The following ADAMTSL2 variants were observed in gnomAD, a reference collection of about 807,000 sequenced individuals.
ADAMTSL2 encodes the protein ADAMTS like 2, also known as ADAMTS-like protein 2.
In ADAMTSL2, 55 loss-of-function variants were observed where a neutral mutation model predicts 117.0. The observed-to-expected ratio is 0.47, with a 90% CI of 0.38 to 0.59. The LOEUF (loss-of-function observed/expected upper bound fraction) is 0.59, where lower values mean the gene tolerates loss of function less well. Among genes scored for constraint, ADAMTSL2 ranks in the 20% least tolerant of loss-of-function variants. The pLI is 0.00. For missense variants in ADAMTSL2, 1,182 were observed against 1,354.5 expected (o/e 0.87, Z 2.00); for synonymous variants, 572 against 566.4 (o/e 1.01, Z -0.14).
chr9:133,555,493 C>G, intron 10 of ADAMTSL2, 65 bp from the exon 11 acceptor site: 1 of 1,607,414 alleles, frequency 6.2e-7, no homozygotes, highest in Non-Finnish European at 8.5e-7. Context: ...GGTCCCCTCC[C>G]CAGGGCAGCC....
At chr9:133,556,203 G>A (rs941377246) in intron 11 of ADAMTSL2, among the ~76,000 whole-genome samples, 5 of 152,362 alleles carry the variant, frequency 3.3e-5, no homozygotes, top group Middle Eastern at 3.4e-3. Flanking sequence ...TGCAGCTGAT[G>A]GGGGGAAGGG....
chr9:133,568,763 G>A lies in ADAMTSL2; in HGVS notation c.2244+5G>A. 6.2e-7 allele frequency: 1 copy of A among 1,612,954 alleles called. No individual in the cohort carries two copies. The highest frequency in any genetic ancestry group is 8.5e-7 in the Non-Finnish European group (1 of 1,179,970). ...ACCGTCTCCGACTGGGGACCGGTGA[G>A]GCCTGCACTGAGGGGTGGCTGGGCG... On this transcript the variant is annotated splice_donor_5th_base_variant and intron_variant, in intron 15 of 18. Transcript: ENST00000651351.
At chr9:133,564,677 A>G (rs1388950682) in intron 12 of ADAMTSL2, among the ~76,000 whole-genome samples, 4 of 130,282 alleles carry the variant, frequency 3.1e-5, no homozygotes, top group Non-Finnish European at 4.9e-5. Context: ...AGGGAGAGGG[A>G]GAGAGAGAGG....
In ADAMTSL2 at chr9:133,573,909, G is replaced by A. The variant is rs969369703; in HGVS notation, c.2659G>A (p.Val887Ile). ...CAAGTGCTACCAGGGGACCGACATC[G>A]TCCGTGGTTGCGATCCGTTGGTGAA... ...DVKCYQGTDI[V>I]RGCDPLVKPV... Residue 887 changes from valine (V) to isoleucine (I), a missense_variant, in exon 18 of 19, where the codon GTC becomes ATC. Physicochemically the swap from Val to Ile is conservative, Grantham distance 29. This residue lies in a region of ADAMTSL2 where 465 missense variants were observed against 565.3 expected (regional missense o/e 0.82). Transcript: ENST00000651351. 5.1e-5 allele frequency: 82 copies of A among 1,614,132 alleles called. No individual in the cohort carries two copies. Among genetic ancestry groups the A allele is most frequent in the Middle Eastern group, 1.6e-4 (1 of 6,062 alleles).
rs1446136595 is a variant in ADAMTSL2, at chr9:133,558,958, C to T, written c.1650-2240C>T. 1.3e-5 allele frequency among the ~76,000 whole-genome samples: 2 copies of T among 152,314 alleles called. No homozygotes were observed. Among genetic ancestry groups the T allele is most frequent in the East Asian group, 3.9e-4 (2 of 5,188 alleles). On this transcript the variant is annotated intron_variant, in intron 11 of 18. Transcript: ENST00000651351. This position sits in a 1 kb window ranked among gnomAD's most constrained non-coding sequence, Gnocchi z 4.3. ...AGCCCCTCCAGAAATACCTTTGGTGCTTAAAATCCAAAGGGTTATTTTGAA... is the reference window on the plus strand; with the variant it reads ...AGCCCCTCCAGAAATACCTTTGGTGTTTAAAATCCAAAGGGTTATTTTGAA...
intron 8 of ADAMTSL2, among the ~76,000 whole-genome samples, chr9:133,546,112 G>A (rs1267923551): frequency 1.3e-5 from 2 of 152,020 alleles, no homozygotes; most frequent in South Asian, 2.1e-4. Context: ...GCGCCGAATC[G>A]GCCTCCTCCC....
At position 133,538,427 on chromosome 9, in the gene ADAMTSL2, G is replaced by A. The variant is rs993560632; in HGVS notation, c.309+3G>A. 2 of 1,613,006 alleles carry A rather than the reference G, an allele frequency of 1.2e-6. No individual in the cohort carries two copies. The highest frequency in any genetic ancestry group is 8.5e-7 in the Non-Finnish European group (1 of 1,179,924). On this transcript the variant is annotated splice_donor_region_variant and intron_variant, in intron 4 of 18. Coordinates refer to ENST00000651351, the MANE Select transcript of ADAMTSL2 (RefSeq NM_014694.4). ...GGTACCAGCTCTGCAGAGTGCAGGT[G>A]AGGCCCGGCCCGGGCAGGGGCACCA...
intron 12 of ADAMTSL2, among the ~76,000 whole-genome samples, chr9:133,561,939 CGAGGTCT>C (rs1830739238): frequency 1.3e-5 from 2 of 152,158 alleles, no homozygotes; most frequent in Non-Finnish European, 2.9e-5. Context: ...GGGGATGCCG[CGAGGTCT>C]GATGTCAAAC....
rs1463219092 is a variant in ADAMTSL2, at chr9:133,554,777, T to C, written c.1276+84T>C. 10 of 1,236,748 alleles carry C rather than the reference T, an allele frequency of 8.1e-6. No individual in the cohort carries two copies. Among genetic ancestry groups the C allele is most frequent in the African/African-American group, 1.5e-5 (1 of 65,684 alleles). 76.6% of individuals were successfully genotyped at this position (1,236,748 alleles called of 1,614,324 possible). On this transcript the variant is annotated intron_variant, in intron 10 of 18. Transcript: ENST00000651351. This position sits in a 1 kb window ranked among gnomAD's most constrained non-coding sequence, Gnocchi z 5.2. Reference sequence around the variant, plus strand: ...CCTTGGGGAAGGGGTCTCAGACCCTTTGCAGACCTGCAGAGGAGGTTCCTA... The same window carrying C: ...CCTTGGGGAAGGGGTCTCAGACCCTCTGCAGACCTGCAGAGGAGGTTCCTA...
At chr9:133,549,163 G>T (rs1215472620) in intron 9 of ADAMTSL2, among the ~76,000 whole-genome samples, 1 of 36,452 alleles carries the variant, frequency 2.7e-5, no homozygotes, top group Non-Finnish European at 1.0e-4. Flanking sequence ...CACTACGCCC[G>T]GCTAATTTTT....
intron 9 of ADAMTSL2, among the ~76,000 whole-genome samples, chr9:133,552,387 T>C (rs13300957): frequency 0.34 from 51,674 of 152,024 alleles, 9,212 homozygotes; most frequent in Middle Eastern, 0.41. Flanking sequence ...CTGGCACCAG[T>C]GTCTGCTCCT....
At chr9:133,533,810 G>A (rs1384489034), upstream of ADAMTSL2, among the ~76,000 whole-genome samples, 2 of 152,198 alleles carry the variant, frequency 1.3e-5, no homozygotes, top group Non-Finnish European at 2.9e-5. Flanking sequence ...ATGACCTGAT[G>A]GAATGGTGCC....
In ADAMTSL2 at chr9:133,540,725, C is replaced by T. The variant is rs770386737; in HGVS notation, c.540C>T (p.Cys180=). 5.6e-5 allele frequency: 91 copies of T among 1,613,746 alleles called. No homozygotes were observed. Among genetic ancestry groups the T allele is most frequent in the Admixed American group, 6.7e-5 (4 of 59,996 alleles). ...SCKLTDLRGV[C]VSGKCEPIGC... The stretch of plus-strand genomic sequence containing the variant: ...AGCTCACTGACCTGCGAGGGGTTTG[C>T]GTGTCTGGAAAATGTGAGGTTGTTA... Residue 180 remains cysteine, a synonymous_variant, in exon 6 of 19, where the codon TGC becomes TGT. Transcript: ENST00000651351.
intron 9 of ADAMTSL2, among the ~76,000 whole-genome samples, chr9:133,547,679 C>G (rs1167716338): frequency 6.6e-6 from 1 of 152,146 alleles, no homozygotes; most frequent in South Asian, 2.1e-4. Flanking sequence ...CTCCCTACCC[C>G]ACGGTGGAGG....
At chr9:133,549,834 A>G (rs886874453) in intron 9 of ADAMTSL2, among the ~76,000 whole-genome samples, 4 of 152,140 alleles carry the variant, frequency 2.6e-5, no homozygotes, top group Non-Finnish European at 5.9e-5. Context: ...TTGGGTGGAA[A>G]CGTTCCCCAT....
At chr9:133,571,236 G>A (rs1358860075) in intron 17 of ADAMTSL2, among the ~76,000 whole-genome samples, 2 of 152,178 alleles carry the variant, frequency 1.3e-5, no homozygotes, top group African/African-American at 4.8e-5. Flanking sequence ...TTCCTCAGAG[G>A]TTCAGGGAGC....
chr9:133,550,887 G>A (rs1186850865), intron 9 of ADAMTSL2, among the ~76,000 whole-genome samples: 2 of 152,082 alleles, frequency 1.3e-5, no homozygotes, highest in Non-Finnish European at 2.9e-5. Flanking sequence ...AGTGCCTCTC[G>A]CATGGTGACA....
In ADAMTSL2 at chr9:133,558,226, G is replaced by T. The variant is rs948751044; in HGVS notation, c.1649+2296G>T. On this transcript the variant is annotated intron_variant, in intron 11 of 18. Transcript: ENST00000651351. The surrounding 1 kb of genome is among the most constrained non-coding windows in gnomAD (Gnocchi z 4.3). ...CTGCTGAGATGCCGCTGCTCCCCCGGCCGGCCTGCCATCAAAGGATGCTGC... is the reference window on the plus strand; with the variant it reads ...CTGCTGAGATGCCGCTGCTCCCCCGTCCGGCCTGCCATCAAAGGATGCTGC... Among the ~76,000 whole-genome samples the T allele has an allele frequency of 5.4e-4, 82 of 152,174 alleles. 1 individual carries two copies. The highest frequency in any genetic ancestry group is 2.4e-4 in the Non-Finnish European group (16 of 68,040).
chr9:133,540,516 T>C, intron 5 of ADAMTSL2, 82 bp from the exon 6 acceptor site: 2 of 1,553,118 alleles, frequency 1.3e-6, no homozygotes, highest in South Asian at 1.2e-5. Flanking sequence ...GGGAGCTGTC[T>C]CAGAGGGAGG....
Sources: allele counts gnomAD v4.1 joint callset (sites outside exome capture counted in the v4.1 genomes callset), GRCh38; gene constraint gnomAD v4.1.1; regional missense constraint gnomAD v4.1.1; non-coding constraint Gnocchi (gnomAD v3.1); transcripts MANE v1.5; gene names NCBI Gene and HGNC (gene_info 2026-07-23, HGNC 2026-07-21).